The following RAB27A variants were observed in gnomAD, a reference collection of about 807,000 sequenced individuals.
RAB27A encodes the protein ras-related protein Rab-27A.
Under a neutral mutation model 20.8 loss-of-function variants are expected in RAB27A, and 17 were observed. The ratio of observed to expected loss-of-function variants is 0.82; its 90% CI spans 0.56 to 1.23. The LOEUF (loss-of-function observed/expected upper bound fraction) is 1.23. RAB27A is among the 50% of genes most tolerant of loss of function. The pLI, the probability that RAB27A is intolerant of heterozygous loss-of-function variation, is 0.00. For missense variants in RAB27A, 277 were observed against 266.7 expected (o/e 1.04, Z -0.27); for synonymous variants, 85 against 92.8 (o/e 0.92, Z 0.48).
chr15:55,262,169 T>C (rs190732349), intron 2 of RAB27A, among the ~76,000 whole-genome samples: 149 of 152,308 alleles, frequency 9.8e-4, no homozygotes, highest in African/African-American at 3.4e-3. Flanking sequence ...TACATAGCCA[T>C]ACTAATTCCA....
At chr15:55,227,112 T>A (rs532353948) in intron 5 of RAB27A, among the ~76,000 whole-genome samples, 3 of 152,294 alleles carry the variant, frequency 2.0e-5, no homozygotes, top group African/African-American at 7.2e-5. Context: ...AACTGAGCAA[T>A]AAGGATTCTT....
At chr15:55,262,402 C>T (rs962319471) in intron 2 of RAB27A, among the ~76,000 whole-genome samples, 15 of 151,726 alleles carry the variant, frequency 9.9e-5, no homozygotes, top group Admixed American at 1.3e-4. Flanking sequence ...ATTAGCCGGG[C>T]GTGGTGGTAG....
chr15:55,317,843 CCA>C (rs1429922298), intron 1 of RAB27A: 1 of 396,230 alleles, frequency 2.5e-6, no homozygotes, highest in Non-Finnish European at 4.4e-6. Context: ...AAGTCACACT[CCA>C]CACCCAGGAA....
At chr15:55,280,969 C>A (rs188967830) in intron 1 of RAB27A, among the ~76,000 whole-genome samples, 2 of 152,266 alleles carry the variant, frequency 1.3e-5, no homozygotes, top group Admixed American at 1.3e-4. Context: ...AATAAACATA[C>A]GTGTGCATGT....
chr15:55,244,880 G>A (rs1896629296), intron 2 of RAB27A, among the ~76,000 whole-genome samples: 1 of 152,116 alleles, frequency 6.6e-6, no homozygotes, highest in East Asian at 1.9e-4. Context: ...AACCTTATCA[G>A]TACTTTTATG....
At chr15:55,255,742 C>A (rs1251878467) in intron 2 of RAB27A, among the ~76,000 whole-genome samples, 2 of 152,130 alleles carry the variant, frequency 1.3e-5, no homozygotes, top group African/African-American at 4.8e-5. Context: ...ACACAGGATC[C>A]AACTGCTCCC....
chr15:55,274,794 T>TTATATATATATACATATATATA (rs1555399450), intron 1 of RAB27A, among the ~76,000 whole-genome samples: 8 of 52,172 alleles, frequency 1.5e-4, no homozygotes, highest in African/African-American at 4.7e-4. Context: ...AATAAATAAA[T>TTATATATATATACATATATATA]TATATATATA....
At chr15:55,223,439 G>A (rs1595687342) in intron 6 of RAB27A, among the ~76,000 whole-genome samples, 1 of 151,878 alleles carries the variant, frequency 6.6e-6, no homozygotes, top group Non-Finnish European at 1.5e-5. Context: ...AACCCGGGAG[G>A]TGGAGGTTGC....
chr15:55,286,626 A>G (rs1438360405), intron 1 of RAB27A, among the ~76,000 whole-genome samples: 1 of 152,162 alleles, frequency 6.6e-6, no homozygotes, highest in African/African-American at 2.4e-5. Flanking sequence ...GCTGGAGCAG[A>G]GTCAGCAAAG....
intron 6 of RAB27A, among the ~76,000 whole-genome samples, chr15:55,217,845 A>G (rs905840773): frequency 6.6e-6 from 1 of 152,002 alleles, no homozygotes; most frequent in Non-Finnish European, 1.5e-5. Context: ...ACCAGTCTGT[A>G]AGTGGCCACT....
intron 2 of RAB27A, among the ~76,000 whole-genome samples, chr15:55,253,257 G>A (rs1225486979): frequency 6.6e-6 from 1 of 151,828 alleles, no homozygotes; most frequent in Admixed American, 6.6e-5. Flanking sequence ...AGACCAGCCT[G>A]GCCAACATGG....
intron 2 of RAB27A, among the ~76,000 whole-genome samples, chr15:55,295,572 A>C (rs1195213049): frequency 6.6e-6 from 1 of 152,226 alleles, no homozygotes; most frequent in Non-Finnish European, 1.5e-5. Flanking sequence ...AAAACATTAC[A>C]CTAAGTGAAA....
intron 1 of RAB27A, among the ~76,000 whole-genome samples, chr15:55,280,477 G>A (rs1230573449): frequency 6.8e-6 from 1 of 147,570 alleles, no homozygotes; most frequent in African/African-American, 2.6e-5. Context: ...ACTGAAAAAT[G>A]TGTTGTTGTT....
intron 2 of RAB27A, among the ~76,000 whole-genome samples, chr15:55,251,368 T>C (rs1170872151): frequency 6.6e-6 from 1 of 152,144 alleles, no homozygotes; most frequent in African/African-American, 2.4e-5. Flanking sequence ...AAATGAGTCC[T>C]GGAAAAATCG....
At chr15:55,256,838 CACAG>C (rs1897096824) in intron 2 of RAB27A, among the ~76,000 whole-genome samples, 1 of 152,160 alleles carries the variant, frequency 6.6e-6, no homozygotes, top group Non-Finnish European at 1.5e-5. Flanking sequence ...CTCTTTCCAA[CACAG>C]ACATTCTATG....
chr15:55,232,631 A>G lies in RAB27A; in HGVS notation c.154-2145T>C, dbSNP rs146836526. Among the ~76,000 whole-genome samples, 73 of 152,308 alleles carry G rather than the reference A, an allele frequency of 4.8e-4. No individual in the cohort carries two copies. In the East Asian group the frequency reaches 0.013, roughly 27 times the overall value. Reference sequence around the variant, plus strand: ...AAGGATAAATTAAGACAAAACTGAGAAAAGTCATCTCTAGCAGACCTATCC... The same window carrying G: ...AAGGATAAATTAAGACAAAACTGAGGAAAGTCATCTCTAGCAGACCTATCC... On this transcript the variant is annotated intron_variant, in intron 3 of 6. Coordinates refer to ENST00000336787, the MANE Select transcript of RAB27A (RefSeq NM_183235.3).
At chr15:55,222,936 C>T (rs1224767421) in intron 6 of RAB27A, among the ~76,000 whole-genome samples, 1 of 152,184 alleles carries the variant, frequency 6.6e-6, no homozygotes, top group Non-Finnish European at 1.5e-5. Context: ...GCACCCTTAA[C>T]ACTTTAATAC....
At chr15:55,275,927 A>AAC (rs1296372473) in intron 1 of RAB27A, among the ~76,000 whole-genome samples, 3 of 149,110 alleles carry the variant, frequency 2.0e-5, no homozygotes, top group Non-Finnish European at 3.0e-5. Context: ...TTAAAAAAAA[A>AAC]AAAAAAAAAA....
At chr15:55,245,319 T>C in intron 2 of RAB27A, among the ~76,000 whole-genome samples, 1 of 152,124 alleles carries the variant, frequency 6.6e-6, no homozygotes. Flanking sequence ...CCCTAATATG[T>C]CAAGAGTGGA....
Sources: gnomAD v4.1 joint callset for allele counts (sites outside exome capture counted in the v4.1 genomes callset) on GRCh38, gnomAD v4.1.1 for gene constraint, MANE v1.5 for transcripts, NCBI Gene and HGNC (gene_info 2026-07-23, HGNC 2026-07-21) for gene names.